Variants in DEPTOR observed in about 807,000 individuals in gnomAD.
DEPTOR encodes the protein DEP domain-containing mTOR-interacting protein.
In DEPTOR, 41 loss-of-function variants were observed where a neutral mutation model predicts 41.6. That is an observed-to-expected ratio of 0.98 (90% CI 0.77 to 1.28). The LOEUF (loss-of-function observed/expected upper bound fraction) is 1.28. Among genes scored for constraint, DEPTOR ranks in the 50% most tolerant of loss-of-function variants. The probability of loss-of-function intolerance (pLI) is 0.00; values close to 1 mark genes in which losing one functional copy is unlikely to be tolerated. For missense variants in DEPTOR, 514 were observed against 527.9 expected, an observed-to-expected ratio of 0.97 and a Z score of 0.26; for synonymous variants, 195 against 192.3, an observed-to-expected ratio of 1.01 and a Z score of -0.12.
intron 1 of DEPTOR, among the ~76,000 whole-genome samples, chr8:119,893,927 C>T (rs1191068924): frequency 3.3e-5 from 5 of 152,200 alleles, no homozygotes. Context: ...TCTTCGTGAA[C>T]TTCTAAATAG....
At chr8:120,035,142 AC>A (rs1812961129) in intron 8 of DEPTOR, among the ~76,000 whole-genome samples, 1 of 151,934 alleles carries the variant, frequency 6.6e-6, no homozygotes, top group African/African-American at 2.4e-5. Context: ...ACATGGCAAA[AC>A]CCTGTCTCTA....
chr8:119,993,841 TTG>T (rs1812211581), intron 4 of DEPTOR, among the ~76,000 whole-genome samples: 1 of 151,978 alleles, frequency 6.6e-6, no homozygotes, highest in Non-Finnish European at 1.5e-5. Context: ...GTATGGAGTA[TTG>T]CATGTTAATG....
intron 8 of DEPTOR, among the ~76,000 whole-genome samples, chr8:120,017,555 G>A (rs1812633087): frequency 6.6e-6 from 1 of 152,160 alleles, no homozygotes; most frequent in Non-Finnish European, 1.5e-5. Flanking sequence ...TTGTTTTGGA[G>A]AAGATCAAAT....
intron 1 of DEPTOR, among the ~76,000 whole-genome samples, chr8:119,920,673 G>A (rs1014882080): frequency 2.6e-5 from 4 of 152,192 alleles, no homozygotes; most frequent in Non-Finnish European, 5.9e-5. Flanking sequence ...CTCAAGAGGC[G>A]ATCTAGGGTC....
chr8:120,043,836 AC>A (rs1281284527), intron 8 of DEPTOR, among the ~76,000 whole-genome samples: 1 of 151,884 alleles, frequency 6.6e-6, no homozygotes, highest in South Asian at 2.1e-4. Flanking sequence ...ACATGGTGAA[AC>A]CCCGTCTCTA....
chr8:119,928,360 T>A, intron 1 of DEPTOR, 40 bp from the exon 2 acceptor site: 1 of 1,596,528 alleles, frequency 6.3e-7, no homozygotes, highest in South Asian at 1.1e-5. Context: ...ATTTGTGCTG[T>A]CATCAGAATT....
At chr8:120,045,175 A>G (rs996503718) in intron 8 of DEPTOR, among the ~76,000 whole-genome samples, 3 of 152,112 alleles carry the variant, frequency 2.0e-5, no homozygotes, top group Non-Finnish European at 2.9e-5. Context: ...CCCACTCTTG[A>G]CTGGCTGCTC....
At chr8:119,906,660 T>C (rs1274337646) in intron 1 of DEPTOR, among the ~76,000 whole-genome samples, 1 of 152,070 alleles carries the variant, frequency 6.6e-6, no homozygotes, top group African/African-American at 2.4e-5. Context: ...ATATGGATTG[T>C]TGGAGTGAGT....
chr8:119,917,783 G>A (rs886708780), intron 1 of DEPTOR, among the ~76,000 whole-genome samples: 3 of 152,166 alleles, frequency 2.0e-5, no homozygotes, highest in African/African-American at 7.2e-5. Context: ...ACAGGAGGAA[G>A]GTATCTGTCT....
rs189150210 is a variant in DEPTOR, at chr8:119,924,961, A to G, written c.123-3439A>G. 4.0e-3 allele frequency among the ~76,000 whole-genome samples: 615 copies of G among 152,312 alleles called. 3 individuals are homozygous for G. Among genetic ancestry groups the G allele is most frequent in the African/African-American group, 0.014 (577 of 41,566 alleles). On this transcript the variant is annotated intron_variant, in intron 1 of 8. Coordinates refer to ENST00000286234, the MANE Select transcript of DEPTOR (RefSeq NM_022783.4). Reference sequence around the variant, plus strand: ...TGCTAATAAAGGCATACCTGAGGCTAGGTAATTTATAAAAGAGAGAGGTTT... The same window carrying G: ...TGCTAATAAAGGCATACCTGAGGCTGGGTAATTTATAAAAGAGAGAGGTTT...
intron 8 of DEPTOR, among the ~76,000 whole-genome samples, chr8:120,036,617 C>G (rs1049022650): frequency 6.6e-6 from 1 of 152,154 alleles, no homozygotes; most frequent in Non-Finnish European, 1.5e-5. Flanking sequence ...AAACACATAA[C>G]TTATTTACTA....
chr8:119,959,158 C>CTTTTTTTTTTTTTTTTTTTTTTTTT (rs60202859), intron 3 of DEPTOR, among the ~76,000 whole-genome samples: 8 of 114,868 alleles, frequency 7.0e-5, no homozygotes, highest in East Asian at 2.4e-4. Flanking sequence ...TTCTTTCTTT[C>CTTTTTTTTTTTTTTTTTTTTTTTTT]TTTTTTTTTT....
chr8:120,016,341 C>G (rs1246660743), intron 8 of DEPTOR, among the ~76,000 whole-genome samples: 1 of 151,670 alleles, frequency 6.6e-6, no homozygotes, highest in Non-Finnish European at 1.5e-5. Context: ...TCTTGTTGCC[C>G]AGGCTGAAGT....
chr8:119,897,892 T>C (rs1424242755), intron 1 of DEPTOR, among the ~76,000 whole-genome samples: 4 of 152,230 alleles, frequency 2.6e-5, no homozygotes, highest in African/African-American at 9.6e-5. Context: ...GAAACACTCA[T>C]TGTTAGTTGC....
intron 3 of DEPTOR, among the ~76,000 whole-genome samples, chr8:119,940,183 C>T (rs1828184231): frequency 6.6e-6 from 1 of 152,106 alleles, no homozygotes; most frequent in Non-Finnish European, 1.5e-5. Flanking sequence ...CACCATTACA[C>T]TCCAGCCTGG....
chr8:120,038,046 C>T (rs952536219), intron 8 of DEPTOR, among the ~76,000 whole-genome samples: 9 of 151,878 alleles, frequency 5.9e-5, no homozygotes, highest in African/African-American at 1.5e-4. Context: ...GCGGGTGGAT[C>T]GCTTGAGGCC....
intron 4 of DEPTOR, among the ~76,000 whole-genome samples, chr8:119,975,687 G>T (rs1337124867): frequency 6.6e-6 from 1 of 151,998 alleles, no homozygotes; most frequent in Non-Finnish European, 1.5e-5. Flanking sequence ...CAAGACAGCA[G>T]GATGAGGGGT....
intron 3 of DEPTOR, among the ~76,000 whole-genome samples, chr8:119,937,385 C>A (rs1423939864): frequency 6.6e-6 from 1 of 152,184 alleles, no homozygotes; most frequent in Non-Finnish European, 1.5e-5. Context: ...GGTGACAGAG[C>A]AAGACTGTCT....
At chr8:120,043,430 A>C (rs569500000) in intron 8 of DEPTOR, among the ~76,000 whole-genome samples, 1 of 152,326 alleles carries the variant, frequency 6.6e-6, no homozygotes, top group East Asian at 1.9e-4. Context: ...AAAGAAACCC[A>C]AAACCTTAAT....
Sources: allele counts gnomAD v4.1 joint callset (sites outside exome capture counted in the v4.1 genomes callset), GRCh38; gene constraint gnomAD v4.1.1; transcripts MANE v1.5; gene names NCBI Gene and HGNC (gene_info 2026-07-23, HGNC 2026-07-21).